Variants in DEXI observed in about 807,000 individuals in gnomAD.
DEXI encodes Dexi homolog, also known as dexamethasone-induced protein.
DEXI carries 2 observed loss-of-function variants against 2.5 expected under a neutral mutation model. That is an observed-to-expected ratio of 0.81 (90% CI 0.33 to 2.55). DEXI has a LOEUF of 2.55. DEXI is among the 30% of genes most tolerant of loss of function. The probability of loss-of-function intolerance (pLI) is 0.11; values close to 1 mark genes in which losing one functional copy is unlikely to be tolerated. For synonymous variants in DEXI, 71 were observed against 68.7 expected, an observed-to-expected ratio of 1.03 and a Z score of -0.17; for missense variants, 108 against 130.3, an observed-to-expected ratio of 0.83 and a Z score of 0.83.
Position 10,940,372 on chromosome 16 carries a change from A to T in DEXI, c.*149+1197T>A, listed in dbSNP as rs1202596577. On this transcript the variant is annotated intron_variant, in intron 1 of 1. Transcript: ENST00000331808. This position sits in a 1 kb window ranked among gnomAD's most constrained non-coding sequence, Gnocchi z 4.2. ...GTGTTCTGTTATAGCAGACTGAACT[A>T]AGACACCCTCTGCCTGTGGTTGTCT... 1 of 152,268 alleles carries T rather than the reference A, an allele frequency of 6.6e-6. No homozygotes were observed. Among genetic ancestry groups the T allele is most frequent in the Non-Finnish European group, 1.5e-5 (1 of 68,052 alleles). 9.4% of individuals were successfully genotyped at this position (152,268 alleles called of 1,614,324 possible).
rs1355975369 is a variant in DEXI at position 10,939,002 on chromosome 16, TG to T, written c.*149+2566del. 6.6e-6 allele frequency: 1 copy of T among 152,232 alleles called. No homozygotes were observed. The highest frequency in any genetic ancestry group is 1.5e-5 in the Non-Finnish European group (1 of 68,042). 9.4% of individuals were successfully genotyped at this position (152,232 alleles called of 1,614,324 possible). A position where few individuals can be genotyped will look rare whatever the true frequency, so the allele number is the denominator to read the frequency against. On this transcript the variant is annotated intron_variant, in intron 1 of 1. Coordinates refer to ENST00000331808, the MANE Select transcript of DEXI (RefSeq NM_014015.4). This position sits in a 1 kb window ranked among gnomAD's most constrained non-coding sequence, Gnocchi z 4.9. ...CTGCTTCAAAGTCAAATGCTTGGCT[TG>T]GAGACAGGGATTTATCTTGGGATCG... is the stretch of plus-strand genomic sequence containing the variant.
chr16:10,936,378 A>C (rs1379621985), intron 1 of DEXI: 1 of 152,190 alleles, frequency 6.6e-6, no homozygotes, highest in Non-Finnish European at 1.5e-5. Context: ...ATAAATACTG[A>C]ATTATTTAGG....
At chr16:10,935,795 C>A (rs937156241) in intron 1 of DEXI, 13 of 152,122 alleles carry the variant, frequency 8.5e-5, no homozygotes, top group African/African-American at 2.7e-4. Context: ...ATCAGACAAA[C>A]CCAAATTGAG....
rs1013390270 is a variant in DEXI, at chr16:10,937,610, C to T, written c.*149+3959G>A. ...TTCTCCAGTCTCTGCATTTTCAGCT[C>T]GCTGTGTGCCAAGAGAGGGCTGGCA... On this transcript the variant is annotated intron_variant, in intron 1 of 1. Transcript: ENST00000331808. The surrounding 1 kb of genome is among the most constrained non-coding windows in gnomAD (Gnocchi z 4.2). 2.0e-5 allele frequency: 3 copies of T among 152,364 alleles called. No homozygotes were observed. Among genetic ancestry groups the T allele is most frequent in the South Asian group, 2.1e-4 (1 of 4,826 alleles). The allele number at this position is 152,364 out of a possible 1,614,324, so 9.4% of individuals were successfully genotyped here.
At chr16:10,930,471 A>G (rs956234241) in intron 1 of DEXI, 18 of 152,102 alleles carry the variant, frequency 1.2e-4, no homozygotes, top group African/African-American at 4.3e-4. Context: ...TCCAAGGTCG[A>G]CCTAAGGGGG....
Position 10,939,081 on chromosome 16 carries a change from G to A in DEXI, c.*149+2488C>T, listed in dbSNP as rs1023500066. Reference sequence around the variant, plus strand: ...AGAGCAGGCAGGGTCAAAGTCTGTTGAATGAGTGAGTGCATATGCAAAGGG... The same window carrying A: ...AGAGCAGGCAGGGTCAAAGTCTGTTAAATGAGTGAGTGCATATGCAAAGGG... On this transcript the variant is annotated intron_variant, in intron 1 of 1. Transcript: ENST00000331808. The surrounding 1 kb of genome is among the most constrained non-coding windows in gnomAD (Gnocchi z 4.9). The A allele has an allele frequency of 6.6e-6, 1 of 152,182 alleles. No individual in the cohort carries two copies. Among genetic ancestry groups the A allele is most frequent in the South Asian group, 2.1e-4 (1 of 4,830 alleles). 9.4% of individuals were successfully genotyped at this position (152,182 alleles called of 1,614,324 possible). A position where few individuals can be genotyped will look rare whatever the true frequency, so the allele number is the denominator to read the frequency against.
At chr16:10,933,600 A>C in intron 1 of DEXI, 1 of 152,392 alleles carries the variant, frequency 6.6e-6, no homozygotes, top group Non-Finnish European at 1.5e-5. Context: ...GGAGTGCCTG[A>C]CAATACCCAG....
chr16:10,935,372 C>T (rs2040984819), intron 1 of DEXI: 3 of 152,212 alleles, frequency 2.0e-5, no homozygotes, highest in Non-Finnish European at 1.5e-5. Context: ...AGTTGTTAAT[C>T]TCTTTTTAAC....
Position 10,929,215 on chromosome 16 carries a change from A to C in DEXI, c.*494T>G, listed in dbSNP as rs577638259. 60 of 985,792 alleles carry C rather than the reference A, an allele frequency of 6.1e-5. No individual in the cohort carries two copies. The African/African-American group carries it at 9.9e-4, about 16-fold the overall frequency. The allele number at this position is 985,792 out of a possible 1,614,324, so 61.1% of individuals were successfully genotyped here. ...CCCAGCTGGCCTGAAGGCTCAACTC[A>C]CATCAAACGGAGCTGGGAGTCGCTT... On this transcript the variant is annotated 3_prime_UTR_variant, in exon 2 of 2. Transcript: ENST00000331808. The surrounding 1 kb of genome is among the most constrained non-coding windows in gnomAD (Gnocchi z 4.3).
chr16:10,929,807 T>G lies in DEXI; in HGVS notation c.*150-248A>C, dbSNP rs2040699955. ...CAGAGACCCTGGGCTGGAGAACCAGTGCAATGTCACACGGGAGAGGAAGGA... is the reference window on the plus strand; with the variant it reads ...CAGAGACCCTGGGCTGGAGAACCAGGGCAATGTCACACGGGAGAGGAAGGA... On this transcript the variant is annotated intron_variant, in intron 1 of 1. Coordinates refer to ENST00000331808, the MANE Select transcript of DEXI (RefSeq NM_014015.4). This position sits in a 1 kb window ranked among gnomAD's most constrained non-coding sequence, Gnocchi z 4.3. 1 of 153,470 alleles carries G rather than the reference T, an allele frequency of 6.5e-6. No individual in the cohort carries two copies. Among genetic ancestry groups the G allele is most frequent in the Non-Finnish European group, 1.4e-5 (1 of 69,206 alleles). 9.5% of individuals were successfully genotyped at this position (153,470 alleles called of 1,614,324 possible).
intron 1 of DEXI, chr16:10,930,538 A>C (rs1379755674): frequency 1.3e-5 from 2 of 152,236 alleles, no homozygotes; most frequent in Non-Finnish European, 2.9e-5. Context: ...TGAGGTTCTT[A>C]TCATTTAATA....
rs1049124594 is a variant in DEXI, at chr16:10,929,300, G to A, written c.*409C>T. The A allele has an allele frequency of 5.8e-5, 57 of 985,938 alleles. No individual in the cohort carries two copies. The African/African-American group carries it at 8.2e-4, about 14-fold the overall frequency. 61.1% of individuals were successfully genotyped at this position (985,938 alleles called of 1,614,324 possible). A position where few individuals can be genotyped will look rare whatever the true frequency, so the allele number is the denominator to read the frequency against. The stretch of plus-strand genomic sequence containing the variant: ...AAGGTGAAGTGGGGGAAGCAGGTGC[G>A]CTCCGGGATGAAGTGCAGGGAGGCA... On this transcript the variant is annotated 3_prime_UTR_variant, in exon 2 of 2. Coordinates refer to ENST00000331808, the MANE Select transcript of DEXI (RefSeq NM_014015.4). This position sits in a 1 kb window ranked among gnomAD's most constrained non-coding sequence, Gnocchi z 4.3.
intron 1 of DEXI, chr16:10,936,290 G>A: frequency 6.6e-6 from 1 of 152,232 alleles, no homozygotes; most frequent in East Asian, 1.9e-4. Context: ...TCATAGGATT[G>A]TATAGTGTAT....
rs765782979 is a variant in DEXI at position 10,941,769 on chromosome 16, G to T, written c.237C>A (p.Gly79=). The change falls in exon 1 of 2, where the codon GGC becomes GGA. Residue 79 remains glycine (G), a synonymous_variant. Coordinates refer to ENST00000331808, the MANE Select transcript of DEXI (RefSeq NM_014015.4). This position sits in a 1 kb window ranked among gnomAD's most constrained non-coding sequence, Gnocchi z 6.4. The part of the protein sequence containing the change: ...DLGVLSDPGS[G]LYDADSELDV... Reference sequence around the variant, plus strand: ...CGAGCTCCGAGTCAGCATCGTAAAGGCCCGAGCCGGGGTCGGAGAGCACGC... The same window carrying T: ...CGAGCTCCGAGTCAGCATCGTAAAGTCCCGAGCCGGGGTCGGAGAGCACGC... 9 of 1,613,512 alleles carry T rather than the reference G, an allele frequency of 5.6e-6. No individual in the cohort carries two copies. Among genetic ancestry groups the T allele is most frequent in the South Asian group, 2.2e-5 (2 of 91,040 alleles).
At position 10,938,269 on chromosome 16, in the gene DEXI, C is replaced by G. The variant is rs2041056632; in HGVS notation, c.*149+3300G>C. The G allele has an allele frequency of 6.6e-6, 1 of 151,916 alleles. No homozygotes were observed. Among genetic ancestry groups the G allele is most frequent in the Non-Finnish European group, 1.5e-5 (1 of 68,006 alleles). 9.4% of individuals were successfully genotyped at this position (151,916 alleles called of 1,614,324 possible). ...GGTCACAGCTACCCTGGGATGTGAACCCAGGGCCCTGGCTCTTAACCATGA... is the reference window on the plus strand; with the variant it reads ...GGTCACAGCTACCCTGGGATGTGAAGCCAGGGCCCTGGCTCTTAACCATGA... On this transcript the variant is annotated intron_variant, in intron 1 of 1. Coordinates refer to ENST00000331808, the MANE Select transcript of DEXI (RefSeq NM_014015.4). This position sits in a 1 kb window ranked among gnomAD's most constrained non-coding sequence, Gnocchi z 4.9.
At position 10,941,525 on chromosome 16, in the gene DEXI, T is replaced by C; in HGVS notation, c.*149+44A>G. On this transcript the variant is annotated intron_variant, in intron 1 of 1. Coordinates refer to ENST00000331808, the MANE Select transcript of DEXI (RefSeq NM_014015.4). This position sits in a 1 kb window ranked among gnomAD's most constrained non-coding sequence, Gnocchi z 6.4. ...CTGGGAATTCCTCCCTCTCCCTTGC[T>C]AGCGCCCCAACCCGCCCTCATCCTG... The C allele has an allele frequency of 5.0e-6, 7 of 1,401,008 alleles. No homozygotes were observed. Among genetic ancestry groups the C allele is most frequent in the Non-Finnish European group, 5.6e-6 (6 of 1,074,584 alleles). 86.8% of individuals were successfully genotyped at this position (1,401,008 alleles called of 1,614,324 possible).
chr16:10,939,207 T>G lies in DEXI; in HGVS notation c.*149+2362A>C, dbSNP rs1555512254. ...GTTGTTCTCAGTCTGTTCATGTTTC[T>G]CTATCTTCACTAAACTCCCCTCATC... On this transcript the variant is annotated intron_variant, in intron 1 of 1. Transcript: ENST00000331808. The surrounding 1 kb of genome is among the most constrained non-coding windows in gnomAD (Gnocchi z 4.9). 1 of 152,278 alleles carries G rather than the reference T, an allele frequency of 6.6e-6. No homozygotes were observed. Among genetic ancestry groups the G allele is most frequent in the Non-Finnish European group, 1.5e-5 (1 of 68,084 alleles). 9.4% of individuals were successfully genotyped at this position (152,278 alleles called of 1,614,324 possible).
chr16:10,935,217 G>C (rs2040978352), intron 1 of DEXI: 1 of 152,246 alleles, frequency 6.6e-6, no homozygotes. Flanking sequence ...AACAATTTTA[G>C]AGGGTATACG....
rs955478119 is a variant in DEXI at position 10,940,092 on chromosome 16, T to G, written c.*149+1477A>C. On this transcript the variant is annotated intron_variant, in intron 1 of 1. Transcript: ENST00000331808. This position sits in a 1 kb window ranked among gnomAD's most constrained non-coding sequence, Gnocchi z 4.2. ...CTTTTTCTTCAAAGAAATCTCACTG[T>G]GAACCCATTAGGAGAGCCCTCTGCC... is the stretch of plus-strand genomic sequence containing the variant. The G allele has an allele frequency of 2.0e-5, 3 of 152,392 alleles. 1 individual carries two copies. Among genetic ancestry groups the G allele is most frequent in the Middle Eastern group, 6.8e-3 (2 of 296 alleles). 9.4% of individuals were successfully genotyped at this position (152,392 alleles called of 1,614,324 possible). A position where few individuals can be genotyped will look rare whatever the true frequency, so the allele number is the denominator to read the frequency against.
Sources: gnomAD v4.1 joint callset for allele counts on GRCh38, gnomAD v4.1.1 for gene constraint, Gnocchi (gnomAD v3.1) non-coding constraint, MANE v1.5 for transcripts, NCBI Gene and HGNC (gene_info 2026-07-23, HGNC 2026-07-21) for gene names.